SDK2: variants seen among roughly 807,000 people sequenced by gnomAD.
SDK2 encodes sidekick cell adhesion molecule 2.
Under a neutral mutation model 253.9 loss-of-function variants are expected in SDK2, and 105 were observed. The observed-to-expected ratio is 0.41, with a 90% CI of 0.35 to 0.49. The LOEUF (loss-of-function observed/expected upper bound fraction) is 0.49. Among genes scored for constraint, SDK2 ranks in the 20% least tolerant of loss-of-function variants. SDK2 has a pLI of 0.06. For synonymous variants in SDK2, 1,249 were observed against 1,234.9 expected, an observed-to-expected ratio of 1.01 and a Z score of -0.24; for missense variants, 2,608 against 3,003.0, an observed-to-expected ratio of 0.87 and a Z score of 3.07.
At chr17:73,521,922 C>T (rs180983626) in intron 1 of SDK2, among the ~76,000 whole-genome samples, 86 of 152,248 alleles carry the variant, frequency 5.6e-4, no homozygotes, top group African/African-American at 2.0e-3. Flanking sequence ...ATCATAGGAA[C>T]CAGGCAGGTG....
intron 1 of SDK2, among the ~76,000 whole-genome samples, chr17:73,599,843 G>GC (rs2045812342): frequency 6.6e-6 from 1 of 152,192 alleles, no homozygotes; most frequent in Non-Finnish European, 1.5e-5. Context: ...TGACACAGGG[G>GC]CCCAGGCTCC....
chr17:73,642,073 C>T lies in SDK2; in HGVS notation c.64+1952G>A, dbSNP rs1273403567. 6.6e-6 allele frequency among the ~76,000 whole-genome samples: 1 copy of T among 152,228 alleles called. No homozygotes were observed. The highest frequency in any genetic ancestry group is 1.5e-5 in the Non-Finnish European group (1 of 68,044). Reference sequence around the variant, plus strand: ...AGAGGAAGTGAATCAATCACAGAGACTTTCTCTGCTTCTGACAGGGAAGCC... The same window carrying T: ...AGAGGAAGTGAATCAATCACAGAGATTTTCTCTGCTTCTGACAGGGAAGCC... On this transcript the variant is annotated intron_variant, in intron 1 of 44. Transcript: ENST00000392650. This position sits in a 1 kb window ranked among gnomAD's most constrained non-coding sequence, Gnocchi z 4.7.
intron 18 of SDK2, among the ~76,000 whole-genome samples, chr17:73,414,093 G>T (rs1268284030): frequency 6.6e-6 from 1 of 151,132 alleles, no homozygotes; most frequent in Non-Finnish European, 1.5e-5. Context: ...GTGGCCCAGG[G>T]TGTAGTGCAA....
In SDK2 at chr17:73,431,490, C is replaced by T; in HGVS notation, c.1480+12G>A. On this transcript the variant is annotated intron_variant, in intron 11 of 44. Transcript: ENST00000392650. This position sits in a 1 kb window ranked among gnomAD's most constrained non-coding sequence, Gnocchi z 5.6. ...CACAAATGTATAAAGCCCTGTGGCTCTGCACACTCACCCCAAACGACTAGG... is the reference window on the plus strand; with the variant it reads ...CACAAATGTATAAAGCCCTGTGGCTTTGCACACTCACCCCAAACGACTAGG... 1 of 1,607,470 alleles carries T rather than the reference C, an allele frequency of 6.2e-7. No individual in the cohort carries two copies. Among genetic ancestry groups the T allele is most frequent in the Non-Finnish European group, 8.5e-7 (1 of 1,177,240 alleles).
chr17:73,370,345 C>T (rs1028424342), intron 36 of SDK2, among the ~76,000 whole-genome samples: 8 of 152,122 alleles, frequency 5.3e-5, no homozygotes, highest in Non-Finnish European at 1.0e-4. Flanking sequence ...TGGGCTCAAG[C>T]CATCCTCCCA....
rs2063613489 is a variant in SDK2 at position 73,467,851 on chromosome 17, A to T, written c.331+4261T>A. ...CCTGCAAAGCCGTGCACAGTAGCAG[A>T]TGCAGCTTCCCAGCGCTGGTTTCAG... On this transcript the variant is annotated intron_variant, in intron 3 of 44. Transcript: ENST00000392650. The surrounding 1 kb of genome is among the most constrained non-coding windows in gnomAD (Gnocchi z 4.1). Among the ~76,000 whole-genome samples the T allele has an allele frequency of 6.6e-6, 1 of 152,230 alleles. No homozygotes were observed. The highest frequency in any genetic ancestry group is 1.5e-5 in the Non-Finnish European group (1 of 68,044).
chr17:73,538,810 C>A (rs1027548868), intron 1 of SDK2, among the ~76,000 whole-genome samples: 17 of 152,206 alleles, frequency 1.1e-4, no homozygotes, highest in African/African-American at 3.9e-4. Context: ...AGGAGTCCCA[C>A]CTTGGCCTCA....
intron 44 of SDK2, among the ~76,000 whole-genome samples, chr17:73,346,897 C>T (rs1020756072): frequency 1.3e-5 from 2 of 152,188 alleles, no homozygotes; most frequent in African/African-American, 2.4e-5. Context: ...TCCTCAGGGA[C>T]GTACCCTTGC....
At chr17:73,345,376 T>G (rs1187310388) in intron 44 of SDK2, among the ~76,000 whole-genome samples, 2 of 152,126 alleles carry the variant, frequency 1.3e-5, no homozygotes, top group Admixed American at 1.3e-4. Context: ...TTCCTCAGGT[T>G]GCTGTGGTTC....
chr17:73,388,138 C>T (rs2062890286), intron 29 of SDK2, 101 bp from the exon 30 acceptor site: 1 of 785,220 alleles, frequency 1.3e-6, no homozygotes, highest in Admixed American at 2.2e-5. Flanking sequence ...TGGGCTCAGG[C>T]CTGGCATCCC....
chr17:73,411,982 C>A (rs1470473908), intron 18 of SDK2, among the ~76,000 whole-genome samples: 1 of 18,942 alleles, frequency 5.3e-5, no homozygotes, highest in Non-Finnish European at 1.9e-4. Context: ...ATATATATAT[C>A]TACGTATATA....
intron 18 of SDK2, among the ~76,000 whole-genome samples, chr17:73,411,475 G>C (rs1178702923): frequency 6.6e-6 from 1 of 151,856 alleles, no homozygotes; most frequent in African/African-American, 2.4e-5. Context: ...AGTGCTCTCC[G>C]CTTCACAGCT....
chr17:73,465,492 C>T lies in SDK2; in HGVS notation c.331+6620G>A, dbSNP rs1037037381. On this transcript the variant is annotated intron_variant, in intron 3 of 44. Coordinates refer to ENST00000392650, the MANE Select transcript of SDK2 (RefSeq NM_001144952.2). This position sits in a 1 kb window ranked among gnomAD's most constrained non-coding sequence, Gnocchi z 4.2. ...CTGGCTCGAGGTCCTCTGCCACCTC[C>T]GGAAGGCTCTCCCAACCCTCTTAGC... 3.3e-5 allele frequency among the ~76,000 whole-genome samples: 5 copies of T among 151,996 alleles called. No individual in the cohort carries two copies. The highest frequency in any genetic ancestry group is 6.5e-5 in the Admixed American group (1 of 15,268).
intron 2 of SDK2, among the ~76,000 whole-genome samples, chr17:73,488,000 C>A (rs75143395): frequency 1.3e-5 from 2 of 151,046 alleles, no homozygotes; most frequent in Admixed American, 1.3e-4. Flanking sequence ...ATCTGTATAA[C>A]GGGCAAAGTA....
chr17:73,630,744 T>C (rs2143254233), intron 1 of SDK2, among the ~76,000 whole-genome samples: 1 of 152,160 alleles, frequency 6.6e-6, no homozygotes, highest in African/African-American at 2.4e-5. Flanking sequence ...CTTGTGTTCG[T>C]CCCCACGCCT....
Position 73,443,017 on chromosome 17 carries a change from C to T in SDK2, c.614-2094G>A, listed in dbSNP as rs1404886571. The stretch of plus-strand genomic sequence containing the variant: ...TCCATGGCTCCTGAAAATACAACCT[C>T]TGAGGACTTTTTCTCCACAACAAAT... On this transcript the variant is annotated intron_variant, in intron 5 of 44. Transcript: ENST00000392650. The surrounding 1 kb of genome is among the most constrained non-coding windows in gnomAD (Gnocchi z 4.6). Among the ~76,000 whole-genome samples, 1 of 152,024 alleles carries T rather than the reference C, an allele frequency of 6.6e-6. No homozygotes were observed. Among genetic ancestry groups the T allele is most frequent in the Non-Finnish European group, 1.5e-5 (1 of 68,008 alleles).
chr17:73,387,987 C>A lies in SDK2; in HGVS notation c.4243G>T (p.Ala1415Ser). The A allele has an allele frequency of 6.4e-7, 1 of 1,569,888 alleles. No homozygotes were observed. The highest frequency in any genetic ancestry group is 8.6e-7 in the Non-Finnish European group (1 of 1,158,274). ...RPMVQQEDVR[A>S]RSVLLSWEPG... Reference sequence around the variant, plus strand: ...TCCCAGGACAGCAGCACGCTGCGTGCTCTCACATCCTCCTGCTGCACCATC... The same window carrying A: ...TCCCAGGACAGCAGCACGCTGCGTGATCTCACATCCTCCTGCTGCACCATC... Residue 1415 changes from alanine to serine, a missense_variant, in exon 30 of 45, where the codon GCA becomes TCA. By Grantham distance (99) the Ala-to-Ser change is moderately conservative. This residue lies in a region of SDK2 where 1,103 missense variants were observed against 1,143.9 expected (regional missense o/e 0.96). Coordinates refer to ENST00000392650, the MANE Select transcript of SDK2 (RefSeq NM_001144952.2).
intron 1 of SDK2, among the ~76,000 whole-genome samples, chr17:73,545,447 G>T (rs1753901367): frequency 6.6e-6 from 1 of 152,162 alleles, no homozygotes; most frequent in African/African-American, 2.4e-5. Flanking sequence ...AGACACCGGT[G>T]GTAGGGGTTA....
chr17:73,357,900 C>G (rs755649486), intron 40 of SDK2, 179 bp downstream of exon 40: 2 of 941,454 alleles, frequency 2.1e-6, no homozygotes, highest in Non-Finnish European at 3.4e-6. Context: ...AGCTAGGAGT[C>G]CAGCTCTAGG....
Sources: allele counts gnomAD v4.1 joint callset (sites outside exome capture counted in the v4.1 genomes callset), GRCh38; gene constraint gnomAD v4.1.1; regional missense constraint gnomAD v4.1.1; non-coding constraint Gnocchi (gnomAD v3.1); transcripts MANE v1.5; gene names NCBI Gene and HGNC (gene_info 2026-07-23, HGNC 2026-07-21).